NBAS: variants seen among roughly 807,000 people sequenced by gnomAD.
The protein encoded by NBAS is NBAS subunit of NRZ tethering complex, also known as NAG/BC035112 fusion.
Under a neutral mutation model 302.5 loss-of-function variants are expected in NBAS, and 219 were observed. That is an observed-to-expected ratio of 0.72 (90% CI 0.65 to 0.81). The LOEUF is 0.81. Among genes scored for constraint, NBAS ranks in the 30% least tolerant of loss-of-function variants. NBAS has a pLI of 0.00. For missense variants in NBAS, 2,932 were observed against 2,841.6 expected (o/e 1.03, Z -0.72); for synonymous variants, 1,118 against 1,021.6 (o/e 1.09, Z -1.80).
At chr2:15,297,718 C>T (rs554289143) in intron 40 of NBAS, among the ~76,000 whole-genome samples, 5 of 152,234 alleles carry the variant, frequency 3.3e-5, no homozygotes, top group South Asian at 2.1e-4. Context: ...TAGCAGTGTG[C>T]GAGTGAACTA....
At chr2:15,526,566 A>T (rs1662923905) in intron 9 of NBAS, among the ~76,000 whole-genome samples, 1 of 152,224 alleles carries the variant, frequency 6.6e-6, no homozygotes, top group South Asian at 2.1e-4. Context: ...TCATTTAAAA[A>T]AAAAGACCAC....
At chr2:15,034,077 A>AGGAGAG in the NBAS span, among the ~76,000 whole-genome samples, 147 of 7,912 alleles carry the variant, frequency 0.019, 3 homozygotes, top group African/African-American at 0.13. Context: ...AAGGAGAGGA[A>AGGAGAG]GAAGAAGAAG....
At chr2:14,948,042 AAT>A in the NBAS span, among the ~76,000 whole-genome samples, 1 of 151,840 alleles carries the variant, frequency 6.6e-6, no homozygotes, top group South Asian at 2.1e-4. Context: ...GGTTTGATGG[AAT>A]ATATGGTTTG....
chr2:15,158,261 C>G, the NBAS span, among the ~76,000 whole-genome samples: 1 of 152,200 alleles, frequency 6.6e-6, no homozygotes, highest in East Asian at 1.9e-4. Flanking sequence ...ATCCCGTTGC[C>G]ATGGCAACTC....
chr2:15,053,302 A>G, the NBAS span, among the ~76,000 whole-genome samples: 2 of 152,228 alleles, frequency 1.3e-5, no homozygotes, highest in African/African-American at 2.4e-5. Flanking sequence ...AATACTAACC[A>G]TGAAATAGAA....
intron 48 of NBAS, among the ~76,000 whole-genome samples, chr2:15,202,739 T>C (rs1184034915): frequency 1.3e-5 from 2 of 152,218 alleles, no homozygotes; most frequent in East Asian, 3.9e-4. Flanking sequence ...TGTTTCTCCA[T>C]GTTAGTCAGG....
At chr2:14,873,006 G>C in the NBAS span, among the ~76,000 whole-genome samples, 28 of 152,186 alleles carry the variant, frequency 1.8e-4, no homozygotes, top group Admixed American at 3.3e-4. Flanking sequence ...ATTGCTAAGA[G>C]CGAAAGAAAA....
chr2:15,427,942 T>G, intron 21 of NBAS, 148 bp from the exon 22 acceptor site: 1 of 621,700 alleles, frequency 1.6e-6, no homozygotes, highest in East Asian at 2.9e-5. Flanking sequence ...ATACATATTA[T>G]ATACATACTA....
chr2:15,499,128 CAT>C (rs1330591101), intron 11 of NBAS, among the ~76,000 whole-genome samples: 1 of 152,024 alleles, frequency 6.6e-6, no homozygotes, highest in African/African-American at 2.4e-5. Context: ...GGGGTTTCAC[CAT>C]GTTAGCTGGG....
In NBAS at chr2:15,438,578, G is replaced by GA. The variant is rs1320288819; in HGVS notation, c.2340-10785dup. On this transcript the variant is annotated intron_variant, in intron 21 of 51. Coordinates refer to ENST00000281513, the MANE Select transcript of NBAS (RefSeq NM_015909.4). Reference sequence around the variant, plus strand: ...GCAGGATAACGACACTAAGGGAAGGGAAAAAAACAAAGTGAGCCCAGCAGC... The same window carrying GA: ...GCAGGATAACGACACTAAGGGAAGGGAAAAAAAACAAAGTGAGCCCAGCAGC... Among the ~76,000 whole-genome samples the GA allele has an allele frequency of 2.0e-5, 3 of 152,192 alleles. No homozygotes were observed. The East Asian group carries it at 5.8e-4, about 29-fold the overall frequency.
intron 25 of NBAS, among the ~76,000 whole-genome samples, chr2:15,414,790 C>T (rs1572811740): frequency 6.6e-6 from 1 of 152,042 alleles, no homozygotes; most frequent in South Asian, 2.1e-4. Context: ...ACTAAAAATA[C>T]AAAAATTTGC....
At chr2:14,845,165 C>T in the NBAS span, among the ~76,000 whole-genome samples, 1 of 152,310 alleles carries the variant, frequency 6.6e-6, no homozygotes, top group East Asian at 1.9e-4. Flanking sequence ...CACAGGGGTG[C>T]TTGTGTCACT....
chr2:15,418,233 T>G (rs1677042803), intron 23 of NBAS, among the ~76,000 whole-genome samples: 1 of 152,210 alleles, frequency 6.6e-6, no homozygotes, highest in Non-Finnish European at 1.5e-5. Flanking sequence ...TTACAAACAC[T>G]TTCTTGGTCT....
chr2:15,356,590 A>G (rs920493761), intron 32 of NBAS, among the ~76,000 whole-genome samples, 174 bp from the exon 33 acceptor site: 2 of 152,196 alleles, frequency 1.3e-5, no homozygotes, highest in Admixed American at 6.5e-5. Context: ...TGAAGCATGG[A>G]ATTAGCCATC....
At chr2:15,084,679 C>T in the NBAS span, among the ~76,000 whole-genome samples, 2 of 139,900 alleles carry the variant, frequency 1.4e-5, no homozygotes, top group African/African-American at 6.6e-5. Context: ...CACACCATAT[C>T]GGCGGGGCGG....
chr2:14,938,699 T>A, the NBAS span, among the ~76,000 whole-genome samples: 11 of 152,210 alleles, frequency 7.2e-5, no homozygotes, highest in Non-Finnish European at 1.5e-4. Flanking sequence ...CCATATAACC[T>A]TCTTTAACAT....
chr2:15,179,353 T>C, intron 50 of NBAS: 1 of 539,502 alleles, frequency 1.9e-6, no homozygotes, highest in East Asian at 3.4e-5. Flanking sequence ...TATTGCTTTT[T>C]AATGGCTTTG....
At chr2:14,823,565 G>A in the NBAS span, among the ~76,000 whole-genome samples, 1 of 152,172 alleles carries the variant, frequency 6.6e-6, no homozygotes, top group African/African-American at 2.4e-5. Flanking sequence ...TTCTATAGCA[G>A]GCCAGGGTCC....
intron 22 of NBAS, among the ~76,000 whole-genome samples, chr2:15,424,857 G>C (rs1305483342): frequency 1.3e-5 from 2 of 152,124 alleles, no homozygotes; most frequent in African/African-American, 2.4e-5. Context: ...GCCTAGTTTA[G>C]GAAAATATCC....
Sources: allele counts gnomAD v4.1 joint callset (sites outside exome capture counted in the v4.1 genomes callset), GRCh38; gene constraint gnomAD v4.1.1; transcripts MANE v1.5; gene names NCBI Gene and HGNC (gene_info 2026-07-23, HGNC 2026-07-21).